KIN: variants seen among roughly 807,000 people sequenced by gnomAD.
KIN encodes DNA/RNA-binding protein KIN17.
A neutral mutation model predicts 63.0 loss-of-function variants in KIN; 47 were observed. That is an observed-to-expected ratio of 0.75 (90% CI 0.59 to 0.95). The LOEUF (loss-of-function observed/expected upper bound fraction) is 0.95, where lower values mean the gene tolerates loss of function less well. Among genes scored for constraint, KIN ranks in the 40% least tolerant of loss-of-function variants. The probability of loss-of-function intolerance (pLI) is 0.00; values close to 1 mark genes in which losing one functional copy is unlikely to be tolerated. For synonymous variants in KIN, 160 were observed against 157.7 expected (o/e 1.01, Z -0.11); for missense variants, 408 against 460.9 (o/e 0.89, Z 1.05).
rs536106313 is a variant in KIN, at chr10:7,754,327, C to T, written c.*1753G>A. 130 of 289,594 alleles carry T rather than the reference C, an allele frequency of 4.5e-4. No homozygotes were observed. Among genetic ancestry groups the T allele is most frequent in the Non-Finnish European group, 7.6e-4 (109 of 144,314 alleles). 17.9% of individuals were successfully genotyped at this position (289,594 alleles called of 1,614,324 possible). A position where few individuals can be genotyped will look rare whatever the true frequency, so the allele number is the denominator to read the frequency against. ...TCCAGGCTGGATGACAGAGCAAGAC[C>T]CTATCTCAAAAAACAGAACAAAAAA... is the stretch of plus-strand genomic sequence containing the variant. On this transcript the variant is annotated 3_prime_UTR_variant, in exon 13 of 13. Transcript: ENST00000379562.
chr10:7,773,184 C>T (rs1835701673), intron 7 of KIN, among the ~76,000 whole-genome samples: 1 of 152,186 alleles, frequency 6.6e-6, no homozygotes, highest in Admixed American at 6.5e-5. Flanking sequence ...CAGATTCTTC[C>T]CCAGAGCACA....
intron 6 of KIN, 125 bp from the exon 7 acceptor site, chr10:7,775,016 A>C: frequency 1.4e-6 from 1 of 698,622 alleles, no homozygotes; most frequent in Non-Finnish European, 2.5e-6. Flanking sequence ...GAGAGCTAAA[A>C]TGTTCCTATA....
chr10:7,787,592 G>T (rs72781083), intron 1 of KIN, among the ~76,000 whole-genome samples: 34 of 152,338 alleles, frequency 2.2e-4, no homozygotes, highest in Non-Finnish European at 4.0e-4. Flanking sequence ...GATCGGACTG[G>T]GGAGGAATGA....
chr10:7,775,716 T>A (rs374599533), intron 6 of KIN, 35 bp downstream of exon 6: 2 of 1,185,450 alleles, frequency 1.7e-6, no homozygotes, highest in South Asian at 2.8e-5. Context: ...AAAGCATCTA[T>A]GTTTAAAAAA....
Position 7,787,892 on chromosome 10 carries a change from G to A in KIN, c.42C>T (p.Asn14=), listed in dbSNP as rs373340703. 1.7e-5 allele frequency: 28 copies of A among 1,614,100 alleles called. No individual in the cohort carries two copies. In the African/African-American group the frequency reaches 3.2e-4, roughly 18 times the overall value. Residue 14 remains asparagine, a synonymous_variant, in exon 1 of 13, where the codon AAC becomes AAT. Transcript: ENST00000379562. ...SDFLTPKAIA[N]RIKSKGLQKL... ...TCTGCAGCCCCTTGGACTTGATCCT[G>A]TTGGCGATAGCCTTGGGAGTAAGAA...
At chr10:7,782,400 C>T (rs116573193) in intron 2 of KIN, among the ~76,000 whole-genome samples, 1,511 of 136,988 alleles carry the variant, frequency 0.011, 34 homozygotes, top group African/African-American at 0.037. Flanking sequence ...TTTTTAGTGC[C>T]ATTTTTTTTT....
chr10:7,778,843 C>T lies in KIN; in HGVS notation c.553G>A (p.Glu185Lys), dbSNP rs1835834899. Residue 185 changes from glutamate (E) to lysine (K), a missense_variant, in exon 5 of 13, where the codon GAA becomes AAA. Physicochemically the swap from Glu to Lys is moderately conservative, Grantham distance 56. Coordinates refer to ENST00000379562, the MANE Select transcript of KIN (RefSeq NM_012311.4). ...GGATGATGTTGCTTACCCACCTGTT[C>T]CTTCCCTTCCAGGCCTCTTCTCACT... ...EQVRRGLEGK[E>K]QEVPTFTELS... 1 of 1,613,644 alleles carries T rather than the reference C, an allele frequency of 6.2e-7. No homozygotes were observed. The highest frequency in any genetic ancestry group is 1.3e-5 in the African/African-American group (1 of 74,880).
chr10:7,751,951 C>T lies in KIN; in HGVS notation c.*4129G>A, dbSNP rs1170860598. On this transcript the variant is annotated 3_prime_UTR_variant, in exon 13 of 13. Coordinates refer to ENST00000379562, the MANE Select transcript of KIN (RefSeq NM_012311.4). Reference sequence around the variant, plus strand: ...TCGGGAGGCTGAGGCAGGAGAATGGCGTGAACCCGGGAAGCGGAGCTTGCA... The same window carrying T: ...TCGGGAGGCTGAGGCAGGAGAATGGTGTGAACCCGGGAAGCGGAGCTTGCA... The T allele has an allele frequency of 3.6e-4, 9 of 25,150 alleles. 4 individuals carry two copies. Among genetic ancestry groups the T allele is most frequent in the Non-Finnish European group, 6.4e-4 (9 of 13,998 alleles). 1.6% of individuals were successfully genotyped at this position (25,150 alleles called of 1,614,324 possible). A position where few individuals can be genotyped will look rare whatever the true frequency, so the allele number is the denominator to read the frequency against.
chr10:7,784,769 T>C (rs2131037435), intron 1 of KIN, among the ~76,000 whole-genome samples: 1 of 152,216 alleles, frequency 6.6e-6, no homozygotes, highest in East Asian at 1.9e-4. Flanking sequence ...AGGTAAAAGG[T>C]TAATGGGAAA....
intron 7 of KIN, among the ~76,000 whole-genome samples, chr10:7,772,977 A>C (rs1473091913): frequency 1.3e-5 from 2 of 152,206 alleles, no homozygotes; most frequent in Non-Finnish European, 2.9e-5. Flanking sequence ...GGTGGACCCT[A>C]ACTACAATCA....
At chr10:7,775,585 A>G (rs1453647649) in intron 6 of KIN, among the ~76,000 whole-genome samples, 166 bp downstream of exon 6, 1 of 152,214 alleles carries the variant, frequency 6.6e-6, no homozygotes, top group East Asian at 1.9e-4. Context: ...CAGCTATCCT[A>G]TCCAATCAAT....
intron 5 of KIN, among the ~76,000 whole-genome samples, chr10:7,778,034 A>C (rs1295986723): frequency 6.6e-6 from 1 of 152,148 alleles, no homozygotes; most frequent in African/African-American, 2.4e-5. Context: ...AAATGCCCCA[A>C]CCTAGTTATT....
At chr10:7,766,334 AC>A (rs1267311992) in intron 8 of KIN, 1 of 419,336 alleles carries the variant, frequency 2.4e-6, no homozygotes, top group Non-Finnish European at 4.2e-6. Context: ...AAGTCAACTG[AC>A]CTAGGAAGCA....
chr10:7,756,689 A>C (rs956713802), intron 12 of KIN, among the ~76,000 whole-genome samples: 1 of 152,228 alleles, frequency 6.6e-6, no homozygotes, highest in African/African-American at 2.4e-5. Flanking sequence ...TTTTAGAGTG[A>C]AACGTTAACT....
At chr10:7,758,078 CT>C (rs200701372) in intron 12 of KIN, among the ~76,000 whole-genome samples, 3,453 of 134,704 alleles carry the variant, frequency 0.026, 176 homozygotes, top group East Asian at 0.23. Flanking sequence ...GACAGATTCC[CT>C]TTTTTTTTTT....
chr10:7,778,036 C>A (rs1409686449), intron 5 of KIN, among the ~76,000 whole-genome samples: 8 of 152,308 alleles, frequency 5.3e-5, no homozygotes, highest in Admixed American at 5.2e-4. Flanking sequence ...ATGCCCCAAC[C>A]TAGTTATTCT....
intron 1 of KIN, among the ~76,000 whole-genome samples, chr10:7,784,446 G>A (rs1220317230): frequency 6.6e-6 from 1 of 152,116 alleles, no homozygotes; most frequent in Non-Finnish European, 1.5e-5. Flanking sequence ...AATTAGCCAG[G>A]CATGGGTGGT....
chr10:7,757,879 T>C (rs1835362599), intron 12 of KIN, among the ~76,000 whole-genome samples: 1 of 152,132 alleles, frequency 6.6e-6, no homozygotes, highest in Non-Finnish European at 1.5e-5. Flanking sequence ...GAACAATTTA[T>C]TGGATGTTAA....
At chr10:7,776,732 C>CAA (rs779355865) in intron 5 of KIN, among the ~76,000 whole-genome samples, 143 of 84,002 alleles carry the variant, frequency 1.7e-3, no homozygotes, top group African/African-American at 4.8e-3. Context: ...GACTCTGTCT[C>CAA]AAAAAAAAAA....
Sources: allele counts gnomAD v4.1 joint callset (sites outside exome capture counted in the v4.1 genomes callset), GRCh38; gene constraint gnomAD v4.1.1; transcripts MANE v1.5; gene names NCBI Gene and HGNC (gene_info 2026-07-23, HGNC 2026-07-21).